The following CACNA2D2 variants were observed in gnomAD, a reference collection of about 807,000 sequenced individuals.
CACNA2D2 encodes the protein calcium voltage-gated channel auxiliary subunit alpha2delta 2, also known as voltage-dependent calcium channel subunit alpha-2/delta-2.
Under a neutral mutation model 166.4 loss-of-function variants are expected in CACNA2D2, and 48 were observed. The ratio of observed to expected loss-of-function variants is 0.29; its 90% CI spans 0.23 to 0.37. CACNA2D2 has a LOEUF of 0.37. Ranked by LOEUF, CACNA2D2 falls within the 10% of genes least tolerant of loss-of-function variation. The pLI is 1.00. For synonymous variants in CACNA2D2, 561 were observed against 573.7 expected (o/e 0.98, Z 0.32); for missense variants, 1,122 against 1,433.0 (o/e 0.78, Z 3.50).
At chr3:50,402,863 G>A (rs1234636115) in intron 3 of CACNA2D2, among the ~76,000 whole-genome samples, 1 of 152,226 alleles carries the variant, frequency 6.6e-6, no homozygotes, top group Admixed American at 6.5e-5. Flanking sequence ...CATGCAGATA[G>A]CATTGGGTGA....
chr3:50,373,133 A>C, intron 22 of CACNA2D2: 1 of 1,520,796 alleles, frequency 6.6e-7, no homozygotes, highest in Middle Eastern at 1.7e-4. Flanking sequence ...AAAACAACAC[A>C]AACACAAAAA....
intron 3 of CACNA2D2, chr3:50,419,823 T>G (rs1707464073): frequency 6.6e-6 from 1 of 152,166 alleles, no homozygotes; most frequent in Admixed American, 6.5e-5. Flanking sequence ...TCTCTTCTGA[T>G]CTCAAAAGCT....
chr3:50,387,748 C>A (rs587770717), intron 4 of CACNA2D2, 136 bp from the exon 5 acceptor site: 21 of 693,574 alleles, frequency 3.0e-5, no homozygotes, highest in Non-Finnish European at 3.9e-5. Context: ...CCAGAGCCCC[C>A]CTCCTGGAAG....
At chr3:50,443,341 T>C (rs1708696334) in intron 2 of CACNA2D2, among the ~76,000 whole-genome samples, 1 of 152,196 alleles carries the variant, frequency 6.6e-6, no homozygotes, top group Non-Finnish European at 1.5e-5. Flanking sequence ...CCTCAGCCTC[T>C]TGACTGCAGA....
At chr3:50,397,401 G>A (rs1364709466) in intron 3 of CACNA2D2, among the ~76,000 whole-genome samples, 1 of 152,166 alleles carries the variant, frequency 6.6e-6, no homozygotes, top group Admixed American at 6.5e-5. Flanking sequence ...GGGGTGCAGT[G>A]GAGTGGGCAG....
chr3:50,380,998 G>C lies in CACNA2D2; in HGVS notation c.781C>G (p.Pro261Ala). Residue 261 changes from proline to alanine, a missense_variant, in exon 7 of 38, where the codon CCG (proline) becomes GCG (alanine). Physicochemically the swap from Pro to Ala is conservative, Grantham distance 27. This residue lies in a region of CACNA2D2 where 840 missense variants were observed against 1,166.8 expected (regional missense o/e 0.72). Transcript: ENST00000424201. This position sits in a 1 kb window ranked among gnomAD's most constrained non-coding sequence, Gnocchi z 4.9. ...GGGGACAGGGGCTGGTACCTACCCG[G>C]GTAGTAGCGAGTGACTCCTGTGGCG... ...GSATGVTRYY[P>A]ATPWRAPKKI... 1 of 1,613,806 alleles carries C rather than the reference G, an allele frequency of 6.2e-7. No individual in the cohort carries two copies. Among genetic ancestry groups the C allele is most frequent in the Non-Finnish European group, 8.5e-7 (1 of 1,179,800 alleles).
At chr3:50,388,916 C>T (rs1705745862) in intron 4 of CACNA2D2, among the ~76,000 whole-genome samples, 4 of 152,258 alleles carry the variant, frequency 2.6e-5, no homozygotes, top group Admixed American at 2.6e-4. Flanking sequence ...ATGGGTAAGA[C>T]CACAACTTCC....
At chr3:50,393,438 C>G (rs996482471) in intron 4 of CACNA2D2, among the ~76,000 whole-genome samples, 1 of 152,220 alleles carries the variant, frequency 6.6e-6, no homozygotes, top group Non-Finnish European at 1.5e-5. Context: ...GCCCGAGGGC[C>G]GGTATCCAGC....
Position 50,367,276 on chromosome 3 carries a change from G to C in CACNA2D2, c.2401+118C>G, listed in dbSNP as rs745755381. 13 of 1,069,438 alleles carry C rather than the reference G, an allele frequency of 1.2e-5. No homozygotes were observed. The highest frequency in any genetic ancestry group is 2.0e-5 in the Admixed American group (1 of 51,014). The allele number at this position is 1,069,438 out of a possible 1,614,324, so 66.2% of individuals were successfully genotyped here. On this transcript the variant is annotated intron_variant, in intron 27 of 37. Coordinates refer to ENST00000424201, the MANE Select transcript of CACNA2D2 (RefSeq NM_006030.4). The surrounding 1 kb of genome is among the most constrained non-coding windows in gnomAD (Gnocchi z 6.5). ...CTATCCCTCTTTTCACGTCTGCCCTGGCCTCAGCCAGCCTTGTGTTGGAGA... is the reference window on the plus strand; with the variant it reads ...CTATCCCTCTTTTCACGTCTGCCCTCGCCTCAGCCAGCCTTGTGTTGGAGA...
chr3:50,454,077 T>C (rs1709233234), intron 2 of CACNA2D2, among the ~76,000 whole-genome samples: 1 of 152,198 alleles, frequency 6.6e-6, no homozygotes, highest in African/African-American at 2.4e-5. Context: ...TAATAGCTTT[T>C]GCTGAATTCA....
chr3:50,379,533 G>C lies in CACNA2D2; in HGVS notation c.1051C>G (p.Arg351Gly). The change falls in exon 11 of 38, where the codon CGC (arginine) becomes GGC (glycine). Residue 351 changes from arginine (R) to glycine (G), a missense_variant. Around this residue, in one of 2 missense-constraint regions of CACNA2D2, gnomAD observed 840 missense variants for 1,166.8 expected, o/e 0.72. Coordinates refer to ENST00000424201, the MANE Select transcript of CACNA2D2 (RefSeq NM_006030.4). The surrounding 1 kb of genome is among the most constrained non-coding windows in gnomAD (Gnocchi z 6.5). ...CFTHLVQANVRNKKVFKEAVQ... is the reference protein window; with the variant it reads ...CFTHLVQANVGNKKVFKEAVQ... Reference sequence around the variant, plus strand: ...GCTTCCTTGAACACCTTCTTGTTGCGCACATTGGCCTGCACCAGGTGTGTG... The same window carrying C: ...GCTTCCTTGAACACCTTCTTGTTGCCCACATTGGCCTGCACCAGGTGTGTG... 6.2e-7 allele frequency: 1 copy of C among 1,613,962 alleles called. No individual in the cohort carries two copies. Among genetic ancestry groups the C allele is most frequent in the Non-Finnish European group, 8.5e-7 (1 of 1,180,034 alleles).
At chr3:50,371,719 T>C (rs957694287) in intron 22 of CACNA2D2, among the ~76,000 whole-genome samples, 2 of 150,354 alleles carry the variant, frequency 1.3e-5, no homozygotes, top group African/African-American at 4.9e-5. Flanking sequence ...GATAGGACTG[T>C]GAGGCAGGGT....
intron 1 of CACNA2D2, among the ~76,000 whole-genome samples, chr3:50,502,199 C>A (rs1560013873): frequency 6.6e-6 from 1 of 152,238 alleles, no homozygotes; most frequent in African/African-American, 2.4e-5. Context: ...ACCAGCAGCC[C>A]GACGACTCAT....
chr3:50,366,723 C>T lies in CACNA2D2; in HGVS notation c.2590-98G>A. 6.4e-7 allele frequency: 1 copy of T among 1,564,346 alleles called. No homozygotes were observed. Among genetic ancestry groups the T allele is most frequent in the Admixed American group, 1.7e-5 (1 of 58,364 alleles). On this transcript the variant is annotated intron_variant, in intron 29 of 37. Transcript: ENST00000424201. This position sits in a 1 kb window ranked among gnomAD's most constrained non-coding sequence, Gnocchi z 5.9. ...GTTCCCCAGGCCATCTGCAGCTGGC[C>T]CTGCCTCCATGTAGGTGTTGGAGCC...
intron 4 of CACNA2D2, among the ~76,000 whole-genome samples, chr3:50,388,193 G>C (rs1705709819): frequency 6.6e-6 from 1 of 152,208 alleles, no homozygotes; most frequent in Non-Finnish European, 1.5e-5. Flanking sequence ...GCCCATGTCT[G>C]CTTGCCAGTC....
In CACNA2D2 at chr3:50,379,020, TG is replaced by T; in HGVS notation, c.1261-28del. On this transcript the variant is annotated intron_variant, in intron 12 of 37. Coordinates refer to ENST00000424201, the MANE Select transcript of CACNA2D2 (RefSeq NM_006030.4). This position sits in a 1 kb window ranked among gnomAD's most constrained non-coding sequence, Gnocchi z 6.5. ...TGTGGGGGGTTTGAGGTTACTGCTGTGGCCACCAGGGGACAGCCCTCTTCTG... is the reference window on the plus strand; with the variant it reads ...TGTGGGGGGTTTGAGGTTACTGCTGTGCCACCAGGGGACAGCCCTCTTCTG... 2 of 1,613,866 alleles carry T rather than the reference TG, an allele frequency of 1.2e-6. No homozygotes were observed. Among genetic ancestry groups the T allele is most frequent in the Non-Finnish European group, 1.7e-6 (2 of 1,179,982 alleles).
Position 50,366,383 on chromosome 3 carries a change from C to G in CACNA2D2, c.2638-45G>C. ...GAGGAAAATGGAGAGGGGCTGGGCC[C>G]CGGACCTTCCACCGCAGGCAGTCCA... is the stretch of plus-strand genomic sequence containing the variant. On this transcript the variant is annotated intron_variant, in intron 30 of 37. Coordinates refer to ENST00000424201, the MANE Select transcript of CACNA2D2 (RefSeq NM_006030.4). This position sits in a 1 kb window ranked among gnomAD's most constrained non-coding sequence, Gnocchi z 5.9. The G allele has an allele frequency of 1.3e-6, 2 of 1,595,628 alleles. No homozygotes were observed. Among genetic ancestry groups the G allele is most frequent in the Non-Finnish European group, 1.7e-6 (2 of 1,163,470 alleles).
chr3:50,371,348 G>A (rs1267583018), intron 22 of CACNA2D2, among the ~76,000 whole-genome samples: 2 of 148,372 alleles, frequency 1.3e-5, no homozygotes, highest in African/African-American at 2.5e-5. Context: ...GAGCATGCAT[G>A]TGTGTGTGTG....
intron 22 of CACNA2D2, among the ~76,000 whole-genome samples, chr3:50,372,626 C>G (rs1704714219): frequency 6.6e-6 from 1 of 152,206 alleles, no homozygotes; most frequent in Admixed American, 6.5e-5. Flanking sequence ...GCCTTGTGGG[C>G]TGGCCCCTTC....
Sources: allele counts gnomAD v4.1 joint callset (sites outside exome capture counted in the v4.1 genomes callset), GRCh38; gene constraint gnomAD v4.1.1; regional missense constraint gnomAD v4.1.1; non-coding constraint Gnocchi (gnomAD v3.1); transcripts MANE v1.5; gene names NCBI Gene and HGNC (gene_info 2026-07-23, HGNC 2026-07-21).